Variants in TEAD1 observed in about 807,000 individuals in gnomAD.
TEAD1 encodes transcriptional enhancer factor TEF-1.
Under a neutral mutation model 54.9 loss-of-function variants are expected in TEAD1, and 9 were observed. The observed-to-expected ratio is 0.16, with a 90% CI of 0.10 to 0.29. The LOEUF is 0.29. TEAD1 is among the 10% of genes least tolerant of loss of function. The pLI, the probability that TEAD1 is intolerant of heterozygous loss-of-function variation, is 1.00. For synonymous variants in TEAD1, 200 were observed against 187.8 expected (o/e 1.07, Z -0.53); for missense variants, 387 against 535.9 (o/e 0.72, Z 2.74).
intron 5 of TEAD1, chr11:12,878,986 C>G (rs551672813): frequency 9.1e-7 from 1 of 1,103,458 alleles, no homozygotes; most frequent in Non-Finnish European, 1.2e-6. Context: ...TTAGCCTTGG[C>G]TTTCCTAGAA....
chr11:12,770,553 A>G lies in TEAD1; in HGVS notation c.202+6119A>G, dbSNP rs147494574. Among the ~76,000 whole-genome samples, 91 of 152,304 alleles carry G rather than the reference A, an allele frequency of 6.0e-4. 1 individual carries two copies. The highest frequency in any genetic ancestry group is 2.0e-3 in the African/African-American group (82 of 41,562). On this transcript the variant is annotated intron_variant, in intron 3 of 12. Transcript: ENST00000527636. ...ACATACCAGGCACTTTCCCATTGCT[A>G]TAGGATGTGCGATCTTGATTATTCC...
intron 11 of TEAD1, among the ~76,000 whole-genome samples, chr11:12,929,434 G>GT (rs34661541): frequency 3.3e-4 from 48 of 147,322 alleles, no homozygotes; most frequent in Non-Finnish European, 4.8e-4. Flanking sequence ...TGTGGTTTGG[G>GT]TTTTTTTTTT....
intron 10 of TEAD1, among the ~76,000 whole-genome samples, chr11:12,916,096 C>T (rs1589986529): frequency 6.6e-6 from 1 of 152,134 alleles, no homozygotes; most frequent in Non-Finnish European, 1.5e-5. Flanking sequence ...TCAGGACTTG[C>T]CCACAAATAG....
In TEAD1 at chr11:12,836,631, T is replaced by A. The variant is rs1403896953; in HGVS notation, c.203-25619T>A. On this transcript the variant is annotated intron_variant, in intron 3 of 12. Coordinates refer to ENST00000527636, the MANE Select transcript of TEAD1 (RefSeq NM_021961.6). ...GGGGCCTTAGTAAATTTCAAATATATGCTACAGGATTGCTAATTATAGTCA... is the reference window on the plus strand; with the variant it reads ...GGGGCCTTAGTAAATTTCAAATATAAGCTACAGGATTGCTAATTATAGTCA... Among the ~76,000 whole-genome samples, 12 of 152,170 alleles carry A rather than the reference T, an allele frequency of 7.9e-5. No homozygotes were observed. In the East Asian group the frequency reaches 2.1e-3, roughly 27 times the overall value.
intron 3 of TEAD1, among the ~76,000 whole-genome samples, chr11:12,769,330 A>G (rs1050137701): frequency 6.6e-6 from 1 of 152,198 alleles, no homozygotes; most frequent in East Asian, 1.9e-4. Flanking sequence ...TTTACTTCAT[A>G]GGAGCAGAAG....
intron 10 of TEAD1, among the ~76,000 whole-genome samples, chr11:12,917,495 C>T (rs1589987911): frequency 6.6e-6 from 1 of 152,120 alleles, no homozygotes; most frequent in Non-Finnish European, 1.5e-5. Flanking sequence ...CAGAAAAAAG[C>T]ATTAACAGTT....
intron 12 of TEAD1, among the ~76,000 whole-genome samples, chr11:12,932,941 ATACT>A (rs2061569156): frequency 6.6e-6 from 1 of 151,818 alleles, no homozygotes; most frequent in South Asian, 2.1e-4. Flanking sequence ...GATACAAAAA[ATACT>A]TACCATTGTG....
intron 5 of TEAD1, among the ~76,000 whole-genome samples, chr11:12,879,094 A>G (rs1470887965): frequency 6.6e-6 from 1 of 152,118 alleles, no homozygotes; most frequent in African/African-American, 2.4e-5. Flanking sequence ...CACGGCGGGG[A>G]TACCTGAGAA....
intron 2 of TEAD1, among the ~76,000 whole-genome samples, chr11:12,709,265 G>A (rs1021407598): frequency 2.6e-5 from 4 of 152,010 alleles, no homozygotes; most frequent in African/African-American, 7.2e-5. Flanking sequence ...TTGAACCCAG[G>A]AGGTGGAGGT....
At chr11:12,933,054 G>A (rs115453559) in intron 12 of TEAD1, among the ~76,000 whole-genome samples, 3 of 152,158 alleles carry the variant, frequency 2.0e-5, no homozygotes, top group Non-Finnish European at 4.4e-5. Flanking sequence ...GTAGTAGGCT[G>A]TACCGTCTAG....
At chr11:12,796,011 T>A (rs991311827) in intron 3 of TEAD1, among the ~76,000 whole-genome samples, 2 of 152,208 alleles carry the variant, frequency 1.3e-5, no homozygotes, top group Non-Finnish European at 2.9e-5. Flanking sequence ...TTCTGGAATA[T>A]CCAGACTTCA....
chr11:12,742,472 A>G (rs1032295132), intron 2 of TEAD1, among the ~76,000 whole-genome samples: 2 of 152,088 alleles, frequency 1.3e-5, no homozygotes, highest in Admixed American at 1.3e-4. Flanking sequence ...GCTTGATCAA[A>G]GTGTGCAAAG....
intron 2 of TEAD1, among the ~76,000 whole-genome samples, chr11:12,713,724 AG>A (rs1012655150): frequency 6.6e-6 from 1 of 152,186 alleles, no homozygotes; most frequent in Non-Finnish European, 1.5e-5. Flanking sequence ...CAGTGATGCT[AG>A]GGTTAGTTAG....
chr11:12,905,425 G>T (rs146821094), intron 10 of TEAD1, among the ~76,000 whole-genome samples: 19 of 152,254 alleles, frequency 1.2e-4, no homozygotes, highest in African/African-American at 4.6e-4. Flanking sequence ...CCATGAATAT[G>T]ATAGAAAACA....
At chr11:12,864,597 G>A (rs922509394) in intron 4 of TEAD1, 7 of 1,113,978 alleles carry the variant, frequency 6.3e-6, no homozygotes, top group Non-Finnish European at 7.1e-6. Context: ...AAAGAGTAGC[G>A]ATTTTATATT....
intron 9 of TEAD1, among the ~76,000 whole-genome samples, chr11:12,892,337 C>T (rs1948213131): frequency 6.6e-6 from 1 of 151,894 alleles, no homozygotes; most frequent in Non-Finnish European, 1.5e-5. Flanking sequence ...GTTGGAGACA[C>T]AAGATAAAAA....
At chr11:12,856,394 G>A (rs1052717591) in intron 3 of TEAD1, among the ~76,000 whole-genome samples, 1 of 152,150 alleles carries the variant, frequency 6.6e-6, no homozygotes, top group Non-Finnish European at 1.5e-5. Flanking sequence ...CAGGTCAAAG[G>A]CTGTGAATGT....
intron 3 of TEAD1, among the ~76,000 whole-genome samples, chr11:12,862,013 A>G (rs893707487): frequency 6.6e-6 from 1 of 151,100 alleles, no homozygotes; most frequent in African/African-American, 2.4e-5. Context: ...TTTTAAAAAA[A>G]AGGATAAATT....
chr11:12,876,053 T>C (rs1947848606), intron 5 of TEAD1, among the ~76,000 whole-genome samples: 1 of 152,102 alleles, frequency 6.6e-6, no homozygotes, highest in South Asian at 2.1e-4. Flanking sequence ...GGGTACACCT[T>C]TTATAGTCTT....
Sources: gnomAD v4.1 joint callset for allele counts (sites outside exome capture counted in the v4.1 genomes callset) on GRCh38, gnomAD v4.1.1 for gene constraint, MANE v1.5 for transcripts, NCBI Gene and HGNC (gene_info 2026-07-23, HGNC 2026-07-21) for gene names.